The following STXBP5L variants were observed in gnomAD, a reference collection of about 807,000 sequenced individuals.
STXBP5L encodes the protein syntaxin-binding protein 5-like.
STXBP5L carries 65 observed loss-of-function variants against 144.5 expected under a neutral mutation model. The observed-to-expected ratio is 0.45, with a 90% CI of 0.37 to 0.55. The LOEUF is 0.55. STXBP5L is among the 20% of genes least tolerant of loss of function. STXBP5L has a pLI of 0.00. For missense variants in STXBP5L, 1,298 were observed against 1,405.5 expected (o/e 0.92, Z 1.22); for synonymous variants, 505 against 469.6 (o/e 1.08, Z -0.97).
intron 3 of STXBP5L, among the ~76,000 whole-genome samples, chr3:121,002,438 A>G (rs940030376): frequency 5.9e-5 from 9 of 152,082 alleles, no homozygotes; most frequent in Non-Finnish European, 1.0e-4. Context: ...TTTCTTTTAT[A>G]TATGCATATC....
rs145934612 is a variant in STXBP5L, at chr3:121,087,848, G to T, written c.471-27077G>T. ...ATTTCTTTGTATCACTTTTTAAAGA[G>T]GTTGCTATAGGTATTTTATTATATA... On this transcript the variant is annotated intron_variant, in intron 5 of 26. Transcript: ENST00000471454. Among the ~76,000 whole-genome samples, 690 of 151,954 alleles carry T rather than the reference G, an allele frequency of 4.5e-3. 4 individuals carry two copies. Among genetic ancestry groups the T allele is most frequent in the African/African-American group, 0.016 (658 of 41,488 alleles).
intron 9 of STXBP5L, chr3:121,158,226 A>G (rs1252481086): frequency 1.3e-5 from 2 of 152,238 alleles, no homozygotes; most frequent in Admixed American, 6.5e-5. Flanking sequence ...TCAAATGTAT[A>G]AATATATATA....
intron 9 of STXBP5L, among the ~76,000 whole-genome samples, chr3:121,199,742 A>G (rs1443727212): frequency 9.9e-5 from 15 of 152,100 alleles, no homozygotes; most frequent in Admixed American, 9.8e-4. Context: ...TGAGATAATC[A>G]TGTGGTTTTT....
At chr3:120,971,280 A>C (rs1294263813) in intron 3 of STXBP5L, among the ~76,000 whole-genome samples, 3 of 151,984 alleles carry the variant, frequency 2.0e-5, no homozygotes, top group African/African-American at 7.2e-5. Flanking sequence ...TGTTACATGG[A>C]TATATTGAGT....
intron 3 of STXBP5L, among the ~76,000 whole-genome samples, chr3:120,977,445 CGT>C (rs1553760163): frequency 6.6e-6 from 1 of 152,090 alleles, no homozygotes; most frequent in Non-Finnish European, 1.5e-5. Context: ...TGTCTCTGCA[CGT>C]GAGATGGGTT....
At chr3:121,015,044 G>A (rs1360102517) in intron 3 of STXBP5L, among the ~76,000 whole-genome samples, 3 of 152,072 alleles carry the variant, frequency 2.0e-5, no homozygotes, top group Non-Finnish European at 4.4e-5. Flanking sequence ...AAAAGATCAT[G>A]TTTGTGTGTT....
intron 23 of STXBP5L, among the ~76,000 whole-genome samples, chr3:121,412,511 T>C (rs1428146753): frequency 6.6e-6 from 1 of 152,024 alleles, no homozygotes; most frequent in Admixed American, 6.6e-5. Flanking sequence ...ATACTGAATC[T>C]GTTTCCCTAG....
chr3:121,382,252 T>G (rs1392588777), intron 22 of STXBP5L, among the ~76,000 whole-genome samples: 2 of 151,966 alleles, frequency 1.3e-5, no homozygotes, highest in Admixed American at 6.6e-5. Context: ...AGGATAAGGG[T>G]TTTATTTTAA....
intron 3 of STXBP5L, among the ~76,000 whole-genome samples, chr3:120,973,364 C>T (rs1342913162): frequency 6.6e-6 from 1 of 151,822 alleles, no homozygotes; most frequent in Non-Finnish European, 1.5e-5. Context: ...TGTAGAGGTG[C>T]TCATAATGGT....
intron 3 of STXBP5L, among the ~76,000 whole-genome samples, chr3:120,971,000 G>A (rs1940183164): frequency 1.3e-5 from 2 of 152,100 alleles, no homozygotes; most frequent in Admixed American, 1.3e-4. Context: ...CCAAATGTTA[G>A]ACATTGCCCC....
chr3:121,135,652 G>A (rs2045217781), intron 7 of STXBP5L, among the ~76,000 whole-genome samples: 1 of 152,196 alleles, frequency 6.6e-6, no homozygotes, highest in South Asian at 2.1e-4. Context: ...AGGAGGCGGA[G>A]CTCTGGTGGT....
chr3:121,297,215 T>G (rs1209998680), intron 19 of STXBP5L, among the ~76,000 whole-genome samples: 6 of 147,786 alleles, frequency 4.1e-5, no homozygotes, highest in African/African-American at 7.4e-5. Flanking sequence ...TGTGTGTGTG[T>G]GTGTGTGTGT....
intron 7 of STXBP5L, among the ~76,000 whole-genome samples, chr3:121,142,358 A>G (rs1435096125): frequency 6.6e-6 from 1 of 152,050 alleles, no homozygotes; most frequent in Non-Finnish European, 1.5e-5. Context: ...TTATCCAGAT[A>G]TATTAAAAGG....
chr3:121,161,410 C>G (rs751508747), intron 9 of STXBP5L, among the ~76,000 whole-genome samples: 48 of 152,076 alleles, frequency 3.2e-4, no homozygotes, highest in Non-Finnish European at 2.6e-4. Context: ...TTGAATTTTG[C>G]TTCCTCTTTA....
At chr3:120,990,444 T>C (rs1942729040) in intron 3 of STXBP5L, among the ~76,000 whole-genome samples, 1 of 152,088 alleles carries the variant, frequency 6.6e-6, no homozygotes, top group Non-Finnish European at 1.5e-5. Flanking sequence ...CTTCACAGAA[T>C]TGGAAAAAAC....
intron 5 of STXBP5L, among the ~76,000 whole-genome samples, chr3:121,054,225 G>A (rs1419631549): frequency 6.6e-6 from 1 of 152,128 alleles, no homozygotes; most frequent in Admixed American, 6.5e-5. Context: ...ATTTGACCCA[G>A]CCATCCCATT....
At chr3:121,144,246 A>T (rs2045629612) in intron 7 of STXBP5L, among the ~76,000 whole-genome samples, 1 of 151,748 alleles carries the variant, frequency 6.6e-6, no homozygotes, top group Non-Finnish European at 1.5e-5. Flanking sequence ...AGGGGAAGAG[A>T]AGTTTTAAGT....
At chr3:121,375,745 T>C (rs12494335) in intron 20 of STXBP5L, among the ~76,000 whole-genome samples, 74,213 of 151,964 alleles carry the variant, frequency 0.49, 18,578 homozygotes, top group East Asian at 0.73. Context: ...TGTACAATTA[T>C]ACCTTTTCAA....
At chr3:121,100,716 G>T (rs1295492790) in intron 5 of STXBP5L, among the ~76,000 whole-genome samples, 1 of 151,468 alleles carries the variant, frequency 6.6e-6, no homozygotes, top group African/African-American at 2.4e-5. Context: ...TAATCCTAAA[G>T]CTAGCATCGG....
Sources: gnomAD v4.1 joint callset for allele counts (sites outside exome capture counted in the v4.1 genomes callset) on GRCh38, gnomAD v4.1.1 for gene constraint, MANE v1.5 for transcripts, NCBI Gene and HGNC (gene_info 2026-07-23, HGNC 2026-07-21) for gene names.